Variants in CORO7 observed in about 807,000 individuals in gnomAD.
The protein encoded by CORO7 is coronin-7.
In CORO7, 107 loss-of-function variants were observed where a neutral mutation model predicts 126.6. The observed-to-expected ratio is 0.85, with a 90% CI of 0.72 to 0.99. The LOEUF (loss-of-function observed/expected upper bound fraction) is 0.99, where lower values mean the gene tolerates loss of function less well. Among genes scored for constraint, CORO7 ranks in the 50% least tolerant of loss-of-function variants. The pLI is 0.00. For missense variants in CORO7, 1,314 were observed against 1,255.8 expected, an observed-to-expected ratio of 1.05 and a Z score of -0.70; for synonymous variants, 603 against 536.8, an observed-to-expected ratio of 1.12 and a Z score of -1.70.
At chr16:4,358,281 T>C (rs146106241) in intron 24 of CORO7, 86 bp downstream of exon 24, 17 of 1,550,802 alleles carry the variant, frequency 1.1e-5, no homozygotes, top group Non-Finnish European at 1.5e-5. Flanking sequence ...GTAGGGAAGT[T>C]TGGAAGCTGG....
intron 9 of CORO7, among the ~76,000 whole-genome samples, chr16:4,368,033 T>C (rs1467172945): frequency 1.3e-5 from 2 of 152,012 alleles, no homozygotes; most frequent in African/African-American, 4.8e-5. Flanking sequence ...CATGAGACCA[T>C]GGCTCTTCAA....
At chr16:4,388,145 G>C in intron 8 of CORO7, 77 bp from the exon 9 acceptor site, 1 of 1,535,148 alleles carries the variant, frequency 6.5e-7, no homozygotes, top group Non-Finnish European at 8.8e-7. Flanking sequence ...GGAAACCAGC[G>C]CCTGAGGGTG....
intron 6 of CORO7, among the ~76,000 whole-genome samples, chr16:4,398,772 A>G (rs2055694528): frequency 6.6e-6 from 1 of 151,682 alleles, no homozygotes. Flanking sequence ...GTTCAAGACC[A>G]GTGTGGCCAA....
At chr16:4,355,243 G>C in intron 27 of CORO7, 43 bp downstream of exon 27, 4 of 1,609,844 alleles carry the variant, frequency 2.5e-6, no homozygotes, top group Non-Finnish European at 3.4e-6. Context: ...CATGTGCGAG[G>C]GACCGCGCTG....
chr16:4,414,886 G>A (rs1360811654), intron 1 of CORO7, among the ~76,000 whole-genome samples: 2 of 152,046 alleles, frequency 1.3e-5, no homozygotes, highest in Non-Finnish European at 2.9e-5. Context: ...TTTTGAGACA[G>A]TGTCTCACTC....
intron 6 of CORO7, among the ~76,000 whole-genome samples, chr16:4,400,797 CAATAATAATAATAATAAT>C (rs373023916): frequency 7.2e-6 from 1 of 139,338 alleles, no homozygotes; most frequent in African/African-American, 2.7e-5. Flanking sequence ...TCCAGCAGTG[CAATAATAATAATAATAAT>C]AATAATAATA....
intron 9 of CORO7, chr16:4,382,718 A>G (rs1359301876): frequency 6.4e-7 from 1 of 1,551,436 alleles, no homozygotes; most frequent in Non-Finnish European, 8.7e-7. Context: ...GACAAAGGGC[A>G]GGTGGGGCCA....
chr16:4,400,314 C>A (rs2055752391), intron 6 of CORO7, among the ~76,000 whole-genome samples: 1 of 152,076 alleles, frequency 6.6e-6, no homozygotes, highest in Non-Finnish European at 1.5e-5. Context: ...GCCTGGTCAA[C>A]AAGGTGAAAC....
intron 19 of CORO7, 37 bp downstream of exon 19, chr16:4,360,906 C>A: frequency 6.3e-7 from 1 of 1,592,968 alleles, no homozygotes; most frequent in Non-Finnish European, 8.5e-7. Flanking sequence ...GGCCCCGCCT[C>A]TCCACACTGC....
intron 6 of CORO7, among the ~76,000 whole-genome samples, chr16:4,398,265 G>A (rs558063663): frequency 5.9e-5 from 9 of 152,084 alleles, no homozygotes; most frequent in Non-Finnish European, 8.8e-5. Flanking sequence ...GCCAAAAAGC[G>A]TATGAAAATA....
chr16:4,355,415 T>G, intron 26 of CORO7, 43 bp from the exon 27 acceptor site: 1 of 1,555,490 alleles, frequency 6.4e-7, no homozygotes, highest in Non-Finnish European at 8.7e-7. Flanking sequence ...GGAATAGGAC[T>G]CCCTGTTCCC....
rs370403139 is a variant in CORO7 at position 4,381,967 on chromosome 16, G to T, written c.785+6019C>A. ...AGCCACAGTGCCCACCACGAGGCCC[G>T]TGGTGCGGGAGCCCACAGCCTTGTC... On this transcript the variant is annotated intron_variant, in intron 9 of 27. Coordinates refer to ENST00000251166, the MANE Select transcript of CORO7 (RefSeq NM_024535.5). 66 of 1,608,192 alleles carry T rather than the reference G, an allele frequency of 4.1e-5. No individual in the cohort carries two copies. Among genetic ancestry groups the T allele is most frequent in the Non-Finnish European group, 5.2e-5 (61 of 1,178,802 alleles).
chr16:4,392,865 C>T (rs535138944), intron 7 of CORO7, among the ~76,000 whole-genome samples: 1 of 152,224 alleles, frequency 6.6e-6, no homozygotes, highest in African/African-American at 2.4e-5. Context: ...GCACAGGCCC[C>T]AGCCAGCAGC....
At chr16:4,358,253 T>C in intron 24 of CORO7, 114 bp downstream of exon 24, 1 of 1,526,186 alleles carries the variant, frequency 6.6e-7, no homozygotes. Flanking sequence ...AGGGGGTAGG[T>C]GTCCCCATGA....
At chr16:4,404,466 G>T (rs1481966005) in intron 6 of CORO7, among the ~76,000 whole-genome samples, 1 of 152,162 alleles carries the variant, frequency 6.6e-6, no homozygotes, top group Non-Finnish European at 1.5e-5. Context: ...AGCACTATGT[G>T]GTCAGCAAAT....
At position 4,362,142 on chromosome 16, in the gene CORO7, C is replaced by T. The variant is rs369054432; in HGVS notation, c.1421G>A (p.Arg474His). 8.7e-6 allele frequency: 14 copies of T among 1,607,210 alleles called. No homozygotes were observed. Among genetic ancestry groups the T allele is most frequent in the African/African-American group, 2.7e-5 (2 of 74,422 alleles). The change falls in exon 16 of 28, where the codon CGC becomes CAC. Residue 474 changes from arginine (R) to histidine (H), a missense_variant. Transcript: ENST00000251166. This position sits in a 1 kb window ranked among gnomAD's most constrained non-coding sequence, Gnocchi z 5.3. Reference sequence around the variant, plus strand: ...GTGCAGGACAGTGCCCTGAGCATGGCGGAACTTGGAACTGGGGCCTGGCAG... The same window carrying T: ...GTGCAGGACAGTGCCCTGAGCATGGTGGAACTTGGAACTGGGGCCTGGCAG... ...QSLLGPSSKFRHAQGTVLHRD... is the reference protein window; with the variant it reads ...QSLLGPSSKFHHAQGTVLHRD...
chr16:4,359,700 C>T, intron 21 of CORO7, 79 bp from the exon 22 acceptor site: 1 of 1,505,238 alleles, frequency 6.6e-7, no homozygotes, highest in South Asian at 1.3e-5. Context: ...CCCACGTAGC[C>T]CCTGCTCTGT....
chr16:4,378,599 C>A (rs2054836706), intron 9 of CORO7, among the ~76,000 whole-genome samples: 1 of 152,118 alleles, frequency 6.6e-6, no homozygotes, highest in Non-Finnish European at 1.5e-5. Context: ...GGCCCCAGGG[C>A]CTTAGGTCAT....
chr16:4,373,614 G>C (rs958102810), intron 9 of CORO7, among the ~76,000 whole-genome samples: 1 of 152,178 alleles, frequency 6.6e-6, no homozygotes, highest in Admixed American at 6.5e-5. Flanking sequence ...AGATGCCCCG[G>C]GCAGGAGATG....
Sources: allele counts gnomAD v4.1 joint callset (sites outside exome capture counted in the v4.1 genomes callset), GRCh38; gene constraint gnomAD v4.1.1; non-coding constraint Gnocchi (gnomAD v3.1); transcripts MANE v1.5; gene names NCBI Gene and HGNC (gene_info 2026-07-23, HGNC 2026-07-21).